Variants in AMPD3 observed in about 807,000 individuals in gnomAD.
AMPD3 encodes adenosine monophosphate deaminase 3.
A neutral mutation model predicts 82.3 loss-of-function variants in AMPD3; 57 were observed. That is an observed-to-expected ratio of 0.69 (90% CI 0.56 to 0.86). AMPD3 has a LOEUF of 0.86. AMPD3 is among the 40% of genes least tolerant of loss of function. The pLI is 0.00. For synonymous variants in AMPD3, 381 were observed against 394.7 expected (o/e 0.97, Z 0.41); for missense variants, 870 against 1,003.8 (o/e 0.87, Z 1.80).
chr11:10,456,212 C>T lies in AMPD3; in HGVS notation c.-6+764C>T. 6.9e-7 allele frequency: 1 copy of T among 1,449,172 alleles called. No individual in the cohort carries two copies. Among genetic ancestry groups the T allele is most frequent in the African/African-American group, 1.4e-5 (1 of 70,298 alleles). The allele number at this position is 1,449,172 out of a possible 1,614,324, so 89.8% of individuals were successfully genotyped here. On this transcript the variant is annotated intron_variant, in intron 1 of 14. Transcript: ENST00000396553. The surrounding 1 kb of genome is among the most constrained non-coding windows in gnomAD (Gnocchi z 4.3). ...TTCACGAGAGAATTTCCAGCCCAGGCTTTTCCTGCTCTGGCTCACTGCTGC... is the reference window on the plus strand; with the variant it reads ...TTCACGAGAGAATTTCCAGCCCAGGTTTTTCCTGCTCTGGCTCACTGCTGC...
chr11:10,502,647 C>T, intron 12 of AMPD3, 74 bp from the exon 13 acceptor site: 4 of 1,597,348 alleles, frequency 2.5e-6, no homozygotes, highest in Non-Finnish European at 3.4e-6. Context: ...TGCTTCTTCC[C>T]TTCCTTTCTC....
chr11:10,454,014 G>A (rs1046469273), upstream of AMPD3, among the ~76,000 whole-genome samples: 1 of 152,168 alleles, frequency 6.6e-6, no homozygotes, highest in South Asian at 2.1e-4. Flanking sequence ...CCTGTATCTG[G>A]TTATCATAAA....
Position 10,500,238 on chromosome 11 carries a change from C to T in AMPD3, c.1710C>T (p.Asn570=). 1 of 1,614,248 alleles carries T rather than the reference C, an allele frequency of 6.2e-7. No homozygotes were observed. Among genetic ancestry groups the T allele is most frequent in the Non-Finnish European group, 8.5e-7 (1 of 1,180,042 alleles). ...TGTATGCCAACATCATGGTGCTCAA[C>T]AACCTCCGCAGGTGCGTGAGGCCTG... ...YYMYANIMVL[N]NLRRERGLST... The change falls in exon 11 of 15, where the codon AAC becomes AAT. Residue 570 remains asparagine, a synonymous_variant. Transcript: ENST00000396553.
intron 2 of AMPD3, chr11:10,477,881 C>A (rs1270891105): frequency 3.2e-5 from 32 of 985,286 alleles, no homozygotes; most frequent in Non-Finnish European, 3.5e-5. Context: ...CCCAGTAGGT[C>A]TGCTGCCAGC....
At chr11:10,503,916 T>C (rs1227780691) in intron 13 of AMPD3, 24 of 983,552 alleles carry the variant, frequency 2.4e-5, no homozygotes, top group Non-Finnish European at 2.7e-5. Flanking sequence ...TCGAGAACTA[T>C]TGCTCTAGGC....
intron 2 of AMPD3, among the ~76,000 whole-genome samples, chr11:10,466,330 T>C (rs1419276489): frequency 6.6e-6 from 1 of 151,252 alleles, no homozygotes. Context: ...CTGAGATCAA[T>C]CTGGGACACT....
chr11:10,456,861 C>T lies in AMPD3; in HGVS notation c.-6+1413C>T, dbSNP rs753267967. ...GGTGGGAGCTGTCTGCCAAGGACAT[C>T]CAGAAGGCAGCAGATGTGGGGGCAG... On this transcript the variant is annotated intron_variant, in intron 1 of 14. Coordinates refer to ENST00000396553, the MANE Select transcript of AMPD3 (RefSeq NM_001025389.2). This position sits in a 1 kb window ranked among gnomAD's most constrained non-coding sequence, Gnocchi z 4.3. Among the ~76,000 whole-genome samples, 22 of 152,114 alleles carry T rather than the reference C, an allele frequency of 1.4e-4. No homozygotes were observed. Among genetic ancestry groups the T allele is most frequent in the Non-Finnish European group, 2.8e-4 (19 of 68,012 alleles).
In AMPD3 at chr11:10,496,810, A is replaced by G. The variant is rs775992911; in HGVS notation, c.1431-2A>G. ...GACAAGCGAGTCTTTGCTGTCCCCC[A>G]GTGACATATTTAGGTCAAAGAAGCT... is the stretch of plus-strand genomic sequence containing the variant. On this transcript the variant is annotated splice_acceptor_variant, in intron 9 of 14. Coordinates refer to ENST00000396553, the MANE Select transcript of AMPD3 (RefSeq NM_001025389.2). LOFTEE classifies it high-confidence loss of function. The G allele has an allele frequency of 5.6e-6, 9 of 1,614,030 alleles. No individual in the cohort carries two copies. Among genetic ancestry groups the G allele is most frequent in the Non-Finnish European group, 7.6e-6 (9 of 1,180,022 alleles).
intron 1 of AMPD3, chr11:10,461,279 C>G (rs1242288231): frequency 6.7e-7 from 1 of 1,485,858 alleles, no homozygotes; most frequent in South Asian, 1.2e-5. Flanking sequence ...ACAGTTCATT[C>G]TTTGAATTTT....
Position 10,496,843 on chromosome 11 carries a change from A to G in AMPD3, c.1462A>G (p.Asn488Asp). The change falls in exon 10 of 15, where the codon AAC becomes GAC. Residue 488 changes from asparagine to aspartate, a missense_variant. Physicochemically the swap from Asn to Asp is conservative, Grantham distance 23. Transcript: ENST00000396553. Reference sequence around the variant, plus strand: ...ATTTAGGTCAAAGAAGCTGCTGCCAAACTTTGGGAAGATGCTGGAGAACAT... The same window carrying G: ...ATTTAGGTCAAAGAAGCTGCTGCCAGACTTTGGGAAGATGCTGGAGAACAT... ...DIFRSKKLLP[N>D]FGKMLENIFL... The G allele has an allele frequency of 6.2e-7, 1 of 1,614,106 alleles. No individual in the cohort carries two copies.
intron 2 of AMPD3, among the ~76,000 whole-genome samples, chr11:10,471,133 G>C (rs980625199): frequency 5.3e-5 from 8 of 152,288 alleles, no homozygotes; most frequent in Admixed American, 2.6e-4. Context: ...CAATGGAACA[G>C]AACAGAGGCC....
At chr11:10,493,849 C>A in intron 7 of AMPD3, 1 of 489,922 alleles carries the variant, frequency 2.0e-6, no homozygotes, top group Non-Finnish European at 3.7e-6. Flanking sequence ...AAAATGGTGA[C>A]AGCCATGTGC....
chr11:10,466,480 T>C (rs2133839369), intron 2 of AMPD3, among the ~76,000 whole-genome samples: 1 of 152,278 alleles, frequency 6.6e-6, no homozygotes. Flanking sequence ...GTGGCCAGAC[T>C]GCCTCTCTAG....
intron 1 of AMPD3, chr11:10,461,072 A>G (rs1016683750): frequency 6.8e-6 from 8 of 1,171,746 alleles, no homozygotes; most frequent in Non-Finnish European, 8.6e-6. Context: ...GTGCGACCTT[A>G]GCTGTTAAAG....
rs143524754 is a variant in AMPD3, at chr11:10,500,193, C to T, written c.1665C>T (p.Tyr555=). The T allele has an allele frequency of 3.7e-6, 6 of 1,614,130 alleles. No homozygotes were observed. In the African/African-American group the frequency reaches 6.7e-5, roughly 18 times the overall value. The change falls in exon 11 of 15, where the codon TAC becomes TAT. Residue 555 remains tyrosine (Y), a synonymous_variant. Coordinates refer to ENST00000396553, the MANE Select transcript of AMPD3 (RefSeq NM_001025389.2). ...GGACCAGTGAGCAGAACCCACCCTA[C>T]AGCTACTACCTGTACTACATGTATG... is the stretch of plus-strand genomic sequence containing the variant. ...DVWTSEQNPP[Y]SYYLYYMYAN... is the part of the protein sequence containing the mutation.
intron 7 of AMPD3, 107 bp from the exon 8 acceptor site, chr11:10,494,792 G>A: frequency 6.3e-7 from 1 of 1,584,380 alleles, no homozygotes; most frequent in Non-Finnish European, 8.6e-7. Flanking sequence ...CATAGAAGAT[G>A]TCTTTCGGTG....
rs771574918 is a variant in AMPD3, at chr11:10,487,298, A to G, written c.873A>G (p.Leu291=). 12 of 1,614,182 alleles carry G rather than the reference A, an allele frequency of 7.4e-6. No individual in the cohort carries two copies. Among genetic ancestry groups the G allele is most frequent in the Non-Finnish European group, 1.0e-5 (12 of 1,180,026 alleles). ...CCAAGTTCAGCCTTCATGAGATGTTAAACGAAATGTCCGAGTTCAAAGAGT... is the reference window on the plus strand; with the variant it reads ...CCAAGTTCAGCCTTCATGAGATGTTGAACGAAATGTCCGAGTTCAAAGAGT... ...LESKFSLHEM[L]NEMSEFKELK... is the part of the protein sequence containing the mutation. The change falls in exon 6 of 15, where the codon TTA becomes TTG. Residue 291 remains leucine, a synonymous_variant. Coordinates refer to ENST00000396553, the MANE Select transcript of AMPD3 (RefSeq NM_001025389.2).
chr11:10,457,954 C>G (rs568770954), intron 1 of AMPD3, among the ~76,000 whole-genome samples: 2 of 152,186 alleles, frequency 1.3e-5, no homozygotes, highest in East Asian at 3.9e-4. Flanking sequence ...GCATAAGAGC[C>G]CTCAGACATC....
chr11:10,501,056 A>T (rs1303475585), intron 11 of AMPD3: 1 of 985,090 alleles, frequency 1.0e-6, no homozygotes, highest in Non-Finnish European at 1.2e-6. Flanking sequence ...TTTGCTACTG[A>T]CCTGTTCAGT....
Sources: allele counts gnomAD v4.1 joint callset (sites outside exome capture counted in the v4.1 genomes callset), GRCh38; gene constraint gnomAD v4.1.1; non-coding constraint Gnocchi (gnomAD v3.1); transcripts MANE v1.5; gene names NCBI Gene and HGNC (gene_info 2026-07-23, HGNC 2026-07-21).